The following RAB31 variants were observed in gnomAD, a reference collection of about 807,000 sequenced individuals.
RAB31 encodes RAB31, member RAS oncogene family.
RAB31 carries 21 observed loss-of-function variants against 25.6 expected under a neutral mutation model. That is an observed-to-expected ratio of 0.82 (90% CI 0.58 to 1.18). The LOEUF (loss-of-function observed/expected upper bound fraction) is 1.18. Among genes scored for constraint, RAB31 ranks in the 50% most tolerant of loss-of-function variants. RAB31 has a pLI of 0.00. For synonymous variants in RAB31, 87 were observed against 84.0 expected (o/e 1.04, Z -0.20); for missense variants, 196 against 250.1 (o/e 0.78, Z 1.46).
Position 9,854,411 on chromosome 18 carries a change from C to T in RAB31, c.491-4817C>T, listed in dbSNP as rs532388977. Among the ~76,000 whole-genome samples, 4 of 152,220 alleles carry T rather than the reference C, an allele frequency of 2.6e-5. No homozygotes were observed. In the East Asian group the frequency reaches 7.7e-4, roughly 29 times the overall value. On this transcript the variant is annotated intron_variant, in intron 6 of 6. Transcript: ENST00000578921. Reference sequence around the variant, plus strand: ...ACCTCCCTAGACTTTTAACTTCAGGCTTTTTGGTCTCTGTCTTGACTCTCC... The same window carrying T: ...ACCTCCCTAGACTTTTAACTTCAGGTTTTTTGGTCTCTGTCTTGACTCTCC...
At chr18:9,775,429 C>T in intron 2 of RAB31, 72 bp downstream of exon 2, 1 of 1,595,554 alleles carries the variant, frequency 6.3e-7, no homozygotes, top group South Asian at 1.1e-5. Context: ...TCTGTCTGTG[C>T]CTGAGCCTTC....
rs182196798 is a variant in RAB31 at position 9,855,806 on chromosome 18, C to T, written c.491-3422C>T. On this transcript the variant is annotated intron_variant, in intron 6 of 6. Coordinates refer to ENST00000578921, the MANE Select transcript of RAB31 (RefSeq NM_006868.4). Reference sequence around the variant, plus strand: ...AGAGTTTTGTAGATGAGATGGGTCCCGGTCCACTAACTGAACCCTGAGAAT... The same window carrying T: ...AGAGTTTTGTAGATGAGATGGGTCCTGGTCCACTAACTGAACCCTGAGAAT... Among the ~76,000 whole-genome samples, 101 of 152,212 alleles carry T rather than the reference C, an allele frequency of 6.6e-4. 2 individuals carry two copies. The highest frequency in any genetic ancestry group is 5.3e-3 in the Admixed American group (81 of 15,292).
At chr18:9,854,815 T>C (rs2068807728) in intron 6 of RAB31, among the ~76,000 whole-genome samples, 2 of 152,170 alleles carry the variant, frequency 1.3e-5, no homozygotes, top group Admixed American at 1.3e-4. Context: ...GGCTAGAGGC[T>C]AAAGGTCATT....
chr18:9,795,301 T>TGAA (rs2068481618), intron 3 of RAB31, among the ~76,000 whole-genome samples: 1 of 152,118 alleles, frequency 6.6e-6, no homozygotes, highest in Non-Finnish European at 1.5e-5. Context: ...AAGATAACAT[T>TGAA]GGAGAAGCCC....
intron 1 of RAB31, among the ~76,000 whole-genome samples, chr18:9,746,880 A>G (rs945433181): frequency 3.3e-5 from 5 of 152,236 alleles, no homozygotes; most frequent in Admixed American, 6.5e-5. Context: ...CTTAGACATG[A>G]AAGCAAAAGC....
chr18:9,829,502 A>T (rs1013520231), intron 5 of RAB31, among the ~76,000 whole-genome samples: 8 of 152,222 alleles, frequency 5.3e-5, no homozygotes, highest in South Asian at 4.1e-4. Context: ...GTTACTATGA[A>T]CATTGCTGCT....
At chr18:9,814,114 T>A in intron 4 of RAB31, 23 bp downstream of exon 4, 8 of 1,500,500 alleles carry the variant, frequency 5.3e-6, no homozygotes, top group Non-Finnish European at 6.4e-6. Flanking sequence ...CCTTCAGAAT[T>A]TAGATGTCAT....
rs142866844 is a variant in RAB31 at position 9,798,297 on chromosome 18, G to T, written c.201+6062G>T. Among the ~76,000 whole-genome samples the T allele has an allele frequency of 9.9e-3, 1,514 of 152,250 alleles. 9 individuals are homozygous for T. The highest frequency in any genetic ancestry group is 0.018 in the Non-Finnish European group (1,203 of 68,020). ...ATTTCATTATCCTTGGGCTGTCCTT[G>T]TCTGGTGTCCCCTGGTGGAGTCTTG... On this transcript the variant is annotated intron_variant, in intron 3 of 6. Coordinates refer to ENST00000578921, the MANE Select transcript of RAB31 (RefSeq NM_006868.4).
intron 5 of RAB31, among the ~76,000 whole-genome samples, chr18:9,827,249 A>G (rs2068654399): frequency 6.6e-6 from 1 of 151,876 alleles, no homozygotes; most frequent in African/African-American, 2.4e-5. Flanking sequence ...TCACTGGTGT[A>G]TTTAGGGCCA....
chr18:9,833,366 G>A (rs888098828), intron 5 of RAB31, among the ~76,000 whole-genome samples: 2 of 152,176 alleles, frequency 1.3e-5, no homozygotes, highest in Non-Finnish European at 2.9e-5. Context: ...ACCATGGGAC[G>A]ACAGGGCCCC....
chr18:9,807,367 G>C (rs570540755), intron 3 of RAB31, among the ~76,000 whole-genome samples: 2 of 151,178 alleles, frequency 1.3e-5, no homozygotes, highest in Non-Finnish European at 3.0e-5. Flanking sequence ...TGGGCAGAGC[G>C]GAGAGAGGGC....
At chr18:9,843,791 T>C (rs2068746635) in intron 5 of RAB31, among the ~76,000 whole-genome samples, 1 of 152,082 alleles carries the variant, frequency 6.6e-6, no homozygotes, top group Non-Finnish European at 1.5e-5. Flanking sequence ...GGGACATATT[T>C]CTTTTGGCTG....
rs142191560 is a variant in RAB31, at chr18:9,731,205, G to A, written c.39+22761G>A. ...AGTGATCGTCCCGCCTTAGCTTCCC[G>A]AGTAGTTGGGACTACAGATATGTGC... On this transcript the variant is annotated intron_variant, in intron 1 of 6. Transcript: ENST00000578921. Among the ~76,000 whole-genome samples, 80 of 152,110 alleles carry A rather than the reference G, an allele frequency of 5.3e-4. 1 individual carries two copies. The highest frequency in any genetic ancestry group is 4.4e-3 in the South Asian group (21 of 4,814).
At chr18:9,804,031 C>T (rs1346137703) in intron 3 of RAB31, among the ~76,000 whole-genome samples, 2 of 152,202 alleles carry the variant, frequency 1.3e-5, no homozygotes, top group Non-Finnish European at 2.9e-5. Flanking sequence ...TGCCCTGAGC[C>T]CGGGAGGTGG....
At chr18:9,769,450 T>C (rs1638839894) in intron 1 of RAB31, among the ~76,000 whole-genome samples, 1 of 152,212 alleles carries the variant, frequency 6.6e-6, no homozygotes, top group Non-Finnish European at 1.5e-5. Context: ...TTATTCTCTT[T>C]GCAGCAATTG....
chr18:9,800,822 G>A (rs1245037642), intron 3 of RAB31, among the ~76,000 whole-genome samples: 2 of 151,988 alleles, frequency 1.3e-5, no homozygotes, highest in South Asian at 2.1e-4. Flanking sequence ...ACTGAGATCC[G>A]ATTCACGTAC....
intron 1 of RAB31, among the ~76,000 whole-genome samples, chr18:9,763,247 G>A (rs2068298169): frequency 1.3e-5 from 2 of 152,046 alleles, no homozygotes; most frequent in East Asian, 3.9e-4. Flanking sequence ...TTACGCTAAG[G>A]CCTAATCAAA....
chr18:9,718,053 C>T (rs2068053339), intron 1 of RAB31, among the ~76,000 whole-genome samples: 3 of 151,918 alleles, frequency 2.0e-5, no homozygotes, highest in African/African-American at 7.3e-5. Context: ...CACCACCACA[C>T]TTGGATAATT....
chr18:9,814,186 G>T, intron 4 of RAB31, 95 bp downstream of exon 4: 1 of 863,596 alleles, frequency 1.2e-6, no homozygotes, highest in Non-Finnish European at 1.9e-6. Context: ...CATCTTGCCA[G>T]TAGCGTGCCA....
Sources: allele counts gnomAD v4.1 joint callset (sites outside exome capture counted in the v4.1 genomes callset), GRCh38; gene constraint gnomAD v4.1.1; transcripts MANE v1.5; gene names NCBI Gene and HGNC (gene_info 2026-07-23, HGNC 2026-07-21).